Variants in SLC35F3 observed in about 807,000 individuals in gnomAD.
SLC35F3 encodes the protein putative thiamine transporter SLC35F3.
Under a neutral mutation model 49.9 loss-of-function variants are expected in SLC35F3, and 25 were observed. That is an observed-to-expected ratio of 0.50 (90% CI 0.37 to 0.70). SLC35F3 has a LOEUF of 0.70. SLC35F3 is among the 30% of genes least tolerant of loss of function. The pLI, the probability that SLC35F3 is intolerant of heterozygous loss-of-function variation, is 0.00. For synonymous variants in SLC35F3, 275 were observed against 265.4 expected, an observed-to-expected ratio of 1.04 and a Z score of -0.35; for missense variants, 525 against 639.8, an observed-to-expected ratio of 0.82 and a Z score of 1.94.
rs1218243107 is a variant in SLC35F3, at chr1:234,074,849, C to T, written c.284-156568C>T. Among the ~76,000 whole-genome samples, 3 of 152,132 alleles carry T rather than the reference C, an allele frequency of 2.0e-5. No homozygotes were observed. In the East Asian group the frequency reaches 5.8e-4, roughly 29 times the overall value. ...ACTGTTGGCATTGAAGAAAGGAAAT[C>T]CAGGTGACACTGATGAGAATCTGCT... On this transcript the variant is annotated intron_variant, in intron 2 of 7. Transcript: ENST00000366618.
intron 2 of SLC35F3, among the ~76,000 whole-genome samples, chr1:234,209,921 A>G (rs1054872970): frequency 6.6e-6 from 1 of 152,256 alleles, no homozygotes; most frequent in Admixed American, 6.5e-5. Flanking sequence ...AACAGAAAGT[A>G]GAATTTTAAA....
intron 6 of SLC35F3, among the ~76,000 whole-genome samples, chr1:234,319,561 G>A (rs1657567627): frequency 6.6e-6 from 1 of 151,144 alleles, no homozygotes; most frequent in Non-Finnish European, 1.5e-5. Context: ...AATTAGCCAG[G>A]TGCAGTGGTG....
intron 2 of SLC35F3, among the ~76,000 whole-genome samples, chr1:234,178,575 T>C (rs1037041052): frequency 1.3e-5 from 2 of 152,108 alleles, no homozygotes; most frequent in East Asian, 3.8e-4. Flanking sequence ...ACTGTCAGCA[T>C]CCCCCAGTGG....
chr1:234,050,819 G>A (rs1331973627), intron 2 of SLC35F3, among the ~76,000 whole-genome samples: 1 of 152,184 alleles, frequency 6.6e-6, no homozygotes, highest in Non-Finnish European at 1.5e-5. Flanking sequence ...TTTGGATAAG[G>A]TGTAAGGAAG....
chr1:234,218,903 G>A (rs775377926), intron 2 of SLC35F3, among the ~76,000 whole-genome samples: 3 of 151,914 alleles, frequency 2.0e-5, no homozygotes, highest in African/African-American at 4.8e-5. Context: ...ACAAAAATTA[G>A]CTGGACATGG....
chr1:234,142,506 C>T (rs1665932512), intron 2 of SLC35F3, among the ~76,000 whole-genome samples: 2 of 152,060 alleles, frequency 1.3e-5, no homozygotes, highest in African/African-American at 4.8e-5. Context: ...TGCAGAGCAG[C>T]CTGTTGGAAT....
At chr1:234,308,992 C>G (rs1348816407) in intron 3 of SLC35F3, 109 bp from the exon 4 acceptor site, 1 of 743,488 alleles carries the variant, frequency 1.3e-6, no homozygotes, top group Admixed American at 2.9e-5. Flanking sequence ...AATTTTAAAA[C>G]CCTGCCCCTT....
chr1:234,250,649 G>A (rs1237478889), intron 3 of SLC35F3, among the ~76,000 whole-genome samples: 2 of 109,122 alleles, frequency 1.8e-5, no homozygotes, highest in East Asian at 3.7e-4. Context: ...GCGAGACTCC[G>A]TCTCAAAAAA....
intron 4 of SLC35F3, 66 bp from the exon 5 acceptor site, chr1:234,316,536 G>A: frequency 1.3e-6 from 2 of 1,539,654 alleles, no homozygotes; most frequent in East Asian, 2.3e-5. Context: ...CAGCTCTTTG[G>A]CGCTTGCATA....
intron 3 of SLC35F3, among the ~76,000 whole-genome samples, chr1:234,277,947 T>C (rs1668238759): frequency 6.6e-6 from 1 of 151,570 alleles, no homozygotes; most frequent in Admixed American, 6.6e-5. Flanking sequence ...TAATCTCAGT[T>C]GTTTGGGAAG....
chr1:234,050,755 G>T (rs538067444), intron 2 of SLC35F3, among the ~76,000 whole-genome samples: 5 of 152,158 alleles, frequency 3.3e-5, no homozygotes, highest in Non-Finnish European at 5.9e-5. Flanking sequence ...TTCTTATAGG[G>T]TTTTTATGGT....
At chr1:234,206,438 T>C (rs942234159) in intron 2 of SLC35F3, among the ~76,000 whole-genome samples, 3 of 129,718 alleles carry the variant, frequency 2.3e-5, no homozygotes, top group Non-Finnish European at 4.7e-5. Context: ...CTTTGAGTCA[T>C]GGCAGGACTT....
At chr1:234,042,883 T>C (rs868629287) in intron 2 of SLC35F3, among the ~76,000 whole-genome samples, 2 of 152,236 alleles carry the variant, frequency 1.3e-5, no homozygotes, top group African/African-American at 4.8e-5. Flanking sequence ...GTCTTCCGCC[T>C]TCGCTCACCC....
At chr1:234,257,240 A>G (rs1667833866) in intron 3 of SLC35F3, among the ~76,000 whole-genome samples, 10 of 152,192 alleles carry the variant, frequency 6.6e-5, no homozygotes, top group Admixed American at 6.5e-4. Flanking sequence ...ATATTCAAGT[A>G]CTTTGTCAAT....
intron 2 of SLC35F3, among the ~76,000 whole-genome samples, chr1:234,189,139 A>G (rs1666692624): frequency 6.6e-6 from 1 of 152,102 alleles, no homozygotes; most frequent in African/African-American, 2.4e-5. Flanking sequence ...GCAATATGAC[A>G]AAACAAGGTT....
intron 2 of SLC35F3, among the ~76,000 whole-genome samples, chr1:234,190,138 C>G (rs115644210): frequency 9.6e-4 from 146 of 152,264 alleles, no homozygotes; most frequent in African/African-American, 2.6e-3. Flanking sequence ...CTCACGGGAT[C>G]TATACAACAA....
At chr1:234,184,911 C>G (rs988373019) in intron 2 of SLC35F3, among the ~76,000 whole-genome samples, 1 of 152,170 alleles carries the variant, frequency 6.6e-6, no homozygotes, top group Non-Finnish European at 1.5e-5. Flanking sequence ...GGCCTGCCCC[C>G]AGAGAGACTC....
chr1:234,056,730 C>T (rs1471155590), intron 2 of SLC35F3, among the ~76,000 whole-genome samples: 1 of 152,136 alleles, frequency 6.6e-6, no homozygotes, highest in Non-Finnish European at 1.5e-5. Flanking sequence ...TCTAAGAATC[C>T]ATTGCCAAGT....
chr1:234,299,276 G>T (rs1243742079), intron 3 of SLC35F3, among the ~76,000 whole-genome samples: 2 of 152,158 alleles, frequency 1.3e-5, no homozygotes, highest in African/African-American at 4.8e-5. Flanking sequence ...TAGTCCTGGG[G>T]AGAAAAACCA....
Sources: gnomAD v4.1 joint callset for allele counts (sites outside exome capture counted in the v4.1 genomes callset) on GRCh38, gnomAD v4.1.1 for gene constraint, MANE v1.5 for transcripts, NCBI Gene and HGNC (gene_info 2026-07-23, HGNC 2026-07-21) for gene names.